Variants in COL4A3 observed in about 807,000 individuals in gnomAD.
COL4A3 encodes the protein collagen alpha-3(IV) chain.
In COL4A3, 135 loss-of-function variants were observed where a neutral mutation model predicts 217.4. The ratio of observed to expected loss-of-function variants is 0.62; its 90% CI spans 0.54 to 0.72. COL4A3 has a LOEUF of 0.72. Ranked by LOEUF, COL4A3 falls within the 30% of genes least tolerant of loss-of-function variation. The pLI is 0.00. For missense variants in COL4A3, 1,868 were observed against 2,119.9 expected (o/e 0.88, Z 2.33); for synonymous variants, 690 against 736.3 (o/e 0.94, Z 1.02).
chr2:227,297,423 G>A (rs1445134461), intron 41 of COL4A3, among the ~76,000 whole-genome samples: 1 of 152,156 alleles, frequency 6.6e-6, no homozygotes, highest in African/African-American at 2.4e-5. Context: ...ATCAAAATTT[G>A]TAATAGTAGG....
At chr2:227,310,476 C>T (rs889981352) in intron 50 of COL4A3, among the ~76,000 whole-genome samples, 7 of 152,246 alleles carry the variant, frequency 4.6e-5, no homozygotes, top group Admixed American at 1.3e-4. Flanking sequence ...GCCACCATGC[C>T]GGCTACTTTT....
At position 227,297,986 on chromosome 2, in the gene COL4A3, A is replaced by T; in HGVS notation, c.3751+127A>T. ...CTGTGGTCATCTCCATTCCCCCACT[A>T]CCTGTGGTTCCCATACCCAGCAGTT... On this transcript the variant is annotated intron_variant, in intron 42 of 51. Coordinates refer to ENST00000396578, the MANE Select transcript of COL4A3 (RefSeq NM_000091.5). 8 of 1,079,314 alleles carry T rather than the reference A, an allele frequency of 7.4e-6. No individual in the cohort carries two copies. The South Asian group carries it at 1.1e-4, about 15-fold the overall frequency. The allele number at this position is 1,079,314 out of a possible 1,614,324, so 66.9% of individuals were successfully genotyped here.
At position 227,277,322 on chromosome 2, in the gene COL4A3, GA is replaced by G. The variant is rs59353048; in HGVS notation, c.2021-109del. The stretch of plus-strand genomic sequence containing the variant: ...CGACAGACCGAAACTCCATCAACAG[GA>G]AAAAAAAAAAAAAAAAACAATGTGC... On this transcript the variant is annotated intron_variant, in intron 27 of 51. Transcript: ENST00000396578. The G allele has an allele frequency of 0.2, 102,190 of 515,876 alleles. 867 individuals are homozygous for G. Among genetic ancestry groups the G allele is most frequent in the South Asian group, 0.22 (9,521 of 42,474 alleles). The allele number at this position is 515,876 out of a possible 1,614,324, so 32.0% of individuals were successfully genotyped here. A position where few individuals can be genotyped will look rare whatever the true frequency, so the allele number is the denominator to read the frequency against.
rs116101119 is a variant in COL4A3, at chr2:227,241,081, C to T, written c.234+849C>T. On this transcript the variant is annotated intron_variant, in intron 3 of 51. Transcript: ENST00000396578. ...TTTCCTTCTGGTCCCTTAAACATCCCGAGTCTATGACCCTTCACACTCATC... is the reference window on the plus strand; with the variant it reads ...TTTCCTTCTGGTCCCTTAAACATCCTGAGTCTATGACCCTTCACACTCATC... 6.6e-3 allele frequency among the ~76,000 whole-genome samples: 1,009 copies of T among 152,254 alleles called. 6 individuals are homozygous for T. The highest frequency in any genetic ancestry group is 0.048 in the Middle Eastern group (14 of 292).
chr2:227,289,740 T>G (rs916158935), intron 35 of COL4A3, among the ~76,000 whole-genome samples: 1 of 152,154 alleles, frequency 6.6e-6, no homozygotes, highest in Non-Finnish European at 1.5e-5. Context: ...GCCCACTTTT[T>G]TCCCGCTGGT....
intron 51 of COL4A3, among the ~76,000 whole-genome samples, chr2:227,311,432 T>A (rs1574845599): frequency 6.6e-6 from 1 of 151,472 alleles, no homozygotes; most frequent in Non-Finnish European, 1.5e-5. Context: ...CAGGCTGGAG[T>A]GCAGTGGCGC....
At chr2:227,295,438 G>C in intron 41 of COL4A3, 122 bp downstream of exon 41, 1 of 835,058 alleles carries the variant, frequency 1.2e-6, no homozygotes, top group South Asian at 1.4e-5. Context: ...TAGTAATACA[G>C]GATATTTATC....
chr2:227,310,689 C>A lies in COL4A3; in HGVS notation c.4756-87C>A. 1.2e-5 allele frequency: 13 copies of A among 1,052,478 alleles called. No individual in the cohort carries two copies. In the South Asian group the frequency reaches 1.7e-4, roughly 14 times the overall value. 65.2% of individuals were successfully genotyped at this position (1,052,478 alleles called of 1,614,324 possible). On this transcript the variant is annotated intron_variant, in intron 50 of 51. Transcript: ENST00000396578. Reference sequence around the variant, plus strand: ...CCTCCCCTTTCTTTACTCACAGTTGCCCATTCATTCAAAAAAAAAAGTAGA... The same window carrying A: ...CCTCCCCTTTCTTTACTCACAGTTGACCATTCATTCAAAAAAAAAAGTAGA...
intron 16 of COL4A3, 24 bp downstream of exon 16, chr2:227,256,094 G>C: frequency 6.2e-7 from 1 of 1,609,866 alleles, no homozygotes; most frequent in South Asian, 1.1e-5. Context: ...TTGGCCTATG[G>C]AGGTAGTAAA....
Position 227,298,801 on chromosome 2 carries a change from C to T in COL4A3, c.3871C>T (p.Pro1291Ser). ...PPGTAGDMGP[P>S]GRLGAPGTPG... The stretch of plus-strand genomic sequence containing the variant: ...TGGAACTGCAGGAGACATGGGACCA[C>T]CAGGTCGTCTGGTGAGTATGGATAA... The change falls in exon 43 of 52, where the codon CCA becomes TCA. Residue 1291 changes from proline to serine, a missense_variant. By Grantham distance (74) the Pro-to-Ser change is moderately conservative. This residue lies in a region of COL4A3 where 1,503 missense variants were observed against 1,786.1 expected (regional missense o/e 0.84). Coordinates refer to ENST00000396578, the MANE Select transcript of COL4A3 (RefSeq NM_000091.5). 1 of 1,613,792 alleles carries T rather than the reference C, an allele frequency of 6.2e-7. No homozygotes were observed. The highest frequency in any genetic ancestry group is 2.2e-5 in the East Asian group (1 of 44,874).
At position 227,306,711 on chromosome 2, in the gene COL4A3, G is replaced by A. The variant is rs533981111; in HGVS notation, c.4253-999G>A. Among the ~76,000 whole-genome samples, 34 of 152,230 alleles carry A rather than the reference G, an allele frequency of 2.2e-4. No homozygotes were observed. The South Asian group carries it at 6.7e-3, about 30-fold the overall frequency. ...ATTTCTGAGGAAAGTCCTGACTTCC[G>A]AGTCAGGACTAAACTGTGACCCTGC... On this transcript the variant is annotated intron_variant, in intron 47 of 51. Coordinates refer to ENST00000396578, the MANE Select transcript of COL4A3 (RefSeq NM_000091.5).
intron 50 of COL4A3, among the ~76,000 whole-genome samples, chr2:227,309,761 C>T (rs2073669279): frequency 6.6e-6 from 1 of 151,932 alleles, no homozygotes; most frequent in Non-Finnish European, 1.5e-5. Context: ...GCTACCATGC[C>T]CAGCTAATTT....
rs1445615417 is a variant in COL4A3, at chr2:227,307,867, GTTTTC to G, written c.4420_4424del (p.Leu1474CysfsTer34). 8 of 1,613,996 alleles carry G rather than the reference GTTTTC, an allele frequency of 5.0e-6. No homozygotes were observed. The highest frequency in any genetic ancestry group is 6.8e-6 in the Non-Finnish European group (8 of 1,180,024). The stretch of plus-strand genomic sequence containing the variant: ...AGGGGACAGTGCCACTCTACAGTGG[GTTTTC>G]TTTTCTTTTTGTACAAGGAAATCAA... On this transcript the variant is annotated frameshift_variant, in exon 48 of 52. Coordinates refer to ENST00000396578, the MANE Select transcript of COL4A3 (RefSeq NM_000091.5). LOFTEE classifies it high-confidence loss of function.
chr2:227,177,540 T>C (rs764349901), intron 1 of COL4A3, among the ~76,000 whole-genome samples: 2 of 152,178 alleles, frequency 1.3e-5, no homozygotes, highest in Admixed American at 6.5e-5. Context: ...TGCCCTCTTA[T>C]TGAACATTTT....
At chr2:227,251,081 C>T in intron 9 of COL4A3, 59 bp from the exon 10 acceptor site, 1 of 1,218,150 alleles carries the variant, frequency 8.2e-7, no homozygotes, top group South Asian at 1.2e-5. Flanking sequence ...AATTAATGGA[C>T]ATTGTTATTA....
At chr2:227,208,873 G>A (rs1405219190) in intron 1 of COL4A3, among the ~76,000 whole-genome samples, 2 of 151,952 alleles carry the variant, frequency 1.3e-5, no homozygotes, top group African/African-American at 4.8e-5. Flanking sequence ...AGAGGAGGGA[G>A]AGAAACAAAA....
At chr2:227,311,073 G>A (rs1268179806) in intron 51 of COL4A3, 125 bp downstream of exon 51, 4 of 934,070 alleles carry the variant, frequency 4.3e-6, no homozygotes, top group Non-Finnish European at 6.9e-6. Flanking sequence ...ACAAAATATG[G>A]GTTTTGTCAT....
At chr2:227,246,784 T>C in intron 7 of COL4A3, 46 bp downstream of exon 7, 1 of 1,512,002 alleles carries the variant, frequency 6.6e-7, no homozygotes, top group Non-Finnish European at 9.2e-7. Flanking sequence ...AAAGTATAAA[T>C]AACAGTGGTC....
At chr2:227,217,827 G>T (rs2067583081) in intron 1 of COL4A3, among the ~76,000 whole-genome samples, 2 of 151,926 alleles carry the variant, frequency 1.3e-5, no homozygotes, top group South Asian at 4.1e-4. Context: ...TTTTTCTTTG[G>T]AGAAAAAGTA....
Sources: allele counts gnomAD v4.1 joint callset (sites outside exome capture counted in the v4.1 genomes callset), GRCh38; gene constraint gnomAD v4.1.1; regional missense constraint gnomAD v4.1.1; transcripts MANE v1.5; gene names NCBI Gene and HGNC (gene_info 2026-07-23, HGNC 2026-07-21).